The following RFFL variants were observed in gnomAD, a reference collection of about 807,000 sequenced individuals.
The protein encoded by RFFL is E3 ubiquitin-protein ligase rififylin.
In RFFL, 16 loss-of-function variants were observed where a neutral mutation model predicts 40.4. The observed-to-expected ratio is 0.40, with a 90% CI of 0.27 to 0.60. The LOEUF is 0.60. RFFL is among the 20% of genes least tolerant of loss of function. The pLI is 0.47. For missense variants in RFFL, 367 were observed against 451.7 expected (o/e 0.81, Z 1.70); for synonymous variants, 154 against 167.9 (o/e 0.92, Z 0.64).
chr17:35,085,164 TG>T (rs140705066), intron 1 of RFFL, among the ~76,000 whole-genome samples: 10,804 of 152,142 alleles, frequency 0.071, 526 homozygotes, highest in Non-Finnish European at 0.094. Context: ...AAGGAGTGGC[TG>T]GCGTTTGGAA....
At chr17:35,043,718 A>T (rs2091180536) in intron 1 of RFFL, among the ~76,000 whole-genome samples, 1 of 152,234 alleles carries the variant, frequency 6.6e-6, no homozygotes, top group Admixed American at 6.5e-5. Context: ...TAAAAACATT[A>T]CAAAACACCT....
At chr17:35,043,079 G>C (rs1000707888) in intron 1 of RFFL, among the ~76,000 whole-genome samples, 9 of 152,152 alleles carry the variant, frequency 5.9e-5, no homozygotes, top group Admixed American at 3.3e-4. Flanking sequence ...ATGGGTAACA[G>C]ATAAATGCAT....
At chr17:35,068,770 G>T (rs995380671) in intron 1 of RFFL, among the ~76,000 whole-genome samples, 1 of 152,118 alleles carries the variant, frequency 6.6e-6, no homozygotes, top group African/African-American at 2.4e-5. Flanking sequence ...GAGGGGTCAG[G>T]ACCCAGCCTG....
intron 1 of RFFL, among the ~76,000 whole-genome samples, chr17:35,083,248 T>C (rs2142388477): frequency 6.6e-6 from 1 of 152,200 alleles, no homozygotes; most frequent in East Asian, 1.9e-4. Context: ...ACTCATGAGA[T>C]AAACGAAGCT....
At chr17:35,081,975 AG>A (rs1374526721) in intron 1 of RFFL, among the ~76,000 whole-genome samples, 2 of 151,872 alleles carry the variant, frequency 1.3e-5, no homozygotes, top group Non-Finnish European at 2.9e-5. Flanking sequence ...TTCATGGTTT[AG>A]ATGTAAAAAT....
At chr17:35,040,709 T>G (rs1243079963) in intron 1 of RFFL, among the ~76,000 whole-genome samples, 1 of 151,746 alleles carries the variant, frequency 6.6e-6, no homozygotes, top group Admixed American at 6.6e-5. Flanking sequence ...TAAAACATCA[T>G]CTTTCATATA....
Position 35,017,568 on chromosome 17 carries a change from G to T in RFFL, c.630C>A (p.Val210=), listed in dbSNP as rs910510031. 5.0e-5 allele frequency: 80 copies of T among 1,611,908 alleles called. No homozygotes were observed. The highest frequency in any genetic ancestry group is 6.5e-5 in the Non-Finnish European group (77 of 1,179,062). Reference sequence around the variant, plus strand: ...GTACTCTGGCCACGCTCTCCAGGTAGACGGGTTCCTCTTGATCCTGAGACA... The same window carrying T: ...GTACTCTGGCCACGCTCTCCAGGTATACGGGTTCCTCTTGATCCTGAGACA... ...GHVSQDQEEP[V]YLESVARVPA... is the part of the protein sequence containing the mutation. Residue 210 remains valine, a synonymous_variant, in exon 4 of 7, where the codon GTC becomes GTA. Transcript: ENST00000394597.
intron 1 of RFFL, among the ~76,000 whole-genome samples, chr17:35,026,769 G>A (rs1262647447): frequency 6.6e-6 from 1 of 152,126 alleles, no homozygotes; most frequent in Non-Finnish European, 1.5e-5. Flanking sequence ...GCAGTGGCGT[G>A]ATCTCAGCTC....
At chr17:35,062,717 C>T (rs190834915) in intron 1 of RFFL, among the ~76,000 whole-genome samples, 3 of 152,212 alleles carry the variant, frequency 2.0e-5, no homozygotes, top group African/African-American at 4.8e-5. Context: ...TGAAAGAGAA[C>T]GTGGGCAATT....
chr17:35,028,788 C>T (rs1567704295), intron 1 of RFFL, among the ~76,000 whole-genome samples: 1 of 151,924 alleles, frequency 6.6e-6, no homozygotes, highest in Non-Finnish European at 1.5e-5. Flanking sequence ...GAAGTAACTT[C>T]CTAGGTCAAA....
At chr17:35,045,762 G>A (rs934328609) in intron 1 of RFFL, among the ~76,000 whole-genome samples, 20 of 151,970 alleles carry the variant, frequency 1.3e-4, no homozygotes, top group Non-Finnish European at 5.9e-5. Flanking sequence ...AGTGGCTCAC[G>A]CCTGTAATCG....
At chr17:35,069,593 A>G (rs2091336792) in intron 1 of RFFL, 2 of 283,000 alleles carry the variant, frequency 7.1e-6, no homozygotes, top group South Asian at 6.9e-5. Flanking sequence ...TGAGTAGACA[A>G]ATACCCAAAG....
intron 1 of RFFL, among the ~76,000 whole-genome samples, chr17:35,061,626 CTT>C (rs71364702): frequency 1.8e-4 from 25 of 137,206 alleles, no homozygotes; most frequent in Non-Finnish European, 1.9e-4. Context: ...CGTGGCGTGC[CTT>C]TTTTTTTTTT....
intron 1 of RFFL, among the ~76,000 whole-genome samples, chr17:35,061,828 G>A (rs1289527457): frequency 6.6e-6 from 1 of 151,676 alleles, no homozygotes; most frequent in Admixed American, 6.6e-5. Context: ...TTATAGGCAC[G>A]TGCCACCACG....
At chr17:35,015,354 T>G (rs1449527408) in intron 5 of RFFL, among the ~76,000 whole-genome samples, 1 of 152,262 alleles carries the variant, frequency 6.6e-6, no homozygotes, top group Non-Finnish European at 1.5e-5. Context: ...CCTTTTCTAT[T>G]TTGAAGTCAG....
rs766820316 is a variant in RFFL at position 35,017,497 on chromosome 17, GAC to G, written c.675+24_675+25del. On this transcript the variant is annotated intron_variant, in intron 4 of 6. Coordinates refer to ENST00000394597, the MANE Select transcript of RFFL (RefSeq NM_001017368.2). ...ACACCAGTGAAAGAGGAAAGGTGAA[GAC>G]ACAGACCCAAGCAGAGGCCCCACCT... 4 of 1,509,846 alleles carry G rather than the reference GAC, an allele frequency of 2.6e-6. No individual in the cohort carries two copies. The African/African-American group carries it at 4.1e-5, about 16-fold the overall frequency. The allele number at this position is 1,509,846 out of a possible 1,614,324, so 93.5% of individuals were successfully genotyped here. A position where few individuals can be genotyped will look rare whatever the true frequency, so the allele number is the denominator to read the frequency against.
At position 35,018,132 on chromosome 17, in the gene RFFL, C is replaced by T. The variant is rs191496482; in HGVS notation, c.592-526G>A. Among the ~76,000 whole-genome samples, 861 of 152,284 alleles carry T rather than the reference C, an allele frequency of 5.7e-3. 5 individuals carry two copies. Among genetic ancestry groups the T allele is most frequent in the Non-Finnish European group, 9.9e-3 (676 of 68,024 alleles). On this transcript the variant is annotated intron_variant, in intron 3 of 6. Transcript: ENST00000394597. ...AAATCTCCCTGGCTTCCTTATCTGA[C>T]ACTGATGGGACAAAGTTTCCAGATC...
At chr17:35,074,299 G>A (rs931031401) in intron 1 of RFFL, 8 of 152,180 alleles carry the variant, frequency 5.3e-5, no homozygotes, top group African/African-American at 1.9e-4. Context: ...TTTGCGGTAA[G>A]AAGCCTGTCA....
Position 35,070,558 on chromosome 17 carries a change from G to C in RFFL, c.-9+18547C>G, listed in dbSNP as rs77706050. 8.9e-4 allele frequency among the ~76,000 whole-genome samples: 136 copies of C among 152,294 alleles called. 3 individuals are homozygous for C. The East Asian group carries it at 0.019, about 21-fold the overall frequency. ...TTAGGGCCTTTGGAAGCCAAATTTTGAGTACATTTAAAGCTACAGTCATGG... is the reference window on the plus strand; with the variant it reads ...TTAGGGCCTTTGGAAGCCAAATTTTCAGTACATTTAAAGCTACAGTCATGG... On this transcript the variant is annotated intron_variant, in intron 1 of 6. Coordinates refer to the RFFL transcript ENST00000315249.
Sources: allele counts gnomAD v4.1 joint callset (sites outside exome capture counted in the v4.1 genomes callset), GRCh38; gene constraint gnomAD v4.1.1; transcripts MANE v1.5; gene names NCBI Gene and HGNC (gene_info 2026-07-23, HGNC 2026-07-21).